CCDC148: variants seen among roughly 807,000 people sequenced by gnomAD.
CCDC148 encodes coiled-coil domain containing 148.
CCDC148 carries 89 observed loss-of-function variants against 85.7 expected under a neutral mutation model. The observed-to-expected ratio is 1.04, with a 90% CI of 0.87 to 1.24. The LOEUF (loss-of-function observed/expected upper bound fraction) is 1.24, where lower values mean the gene tolerates loss of function less well. Among genes scored for constraint, CCDC148 ranks in the 50% most tolerant of loss-of-function variants. The pLI is 0.00. For synonymous variants in CCDC148, 230 were observed against 213.9 expected (o/e 1.08, Z -0.66); for missense variants, 692 against 671.7 (o/e 1.03, Z -0.33).
At chr2:158,404,761 G>T (rs937490073) in intron 1 of CCDC148, among the ~76,000 whole-genome samples, 1 of 152,100 alleles carries the variant, frequency 6.6e-6, no homozygotes, top group Non-Finnish European at 1.5e-5. Context: ...TGCATAGTGC[G>T]CCAGAACATT....
chr2:158,258,866 T>C (rs138034824), intron 9 of CCDC148, among the ~76,000 whole-genome samples: 2,320 of 151,904 alleles, frequency 0.015, 18 homozygotes, highest in South Asian at 0.023. Flanking sequence ...CCCACCTCCC[T>C]GCCTAACATC....
At chr2:158,278,882 T>G (rs1690108199) in intron 9 of CCDC148, among the ~76,000 whole-genome samples, 1 of 152,158 alleles carries the variant, frequency 6.6e-6, no homozygotes. Context: ...CACTCCCCAG[T>G]AGGGGCAGAC....
intron 7 of CCDC148, among the ~76,000 whole-genome samples, chr2:158,337,978 T>C (rs1019920861): frequency 6.6e-6 from 1 of 152,186 alleles, no homozygotes; most frequent in South Asian, 2.1e-4. Flanking sequence ...CTTAAATAGT[T>C]ATCTTTTTAA....
intron 9 of CCDC148, among the ~76,000 whole-genome samples, chr2:158,306,476 C>T (rs1261914195): frequency 6.6e-6 from 1 of 152,082 alleles, no homozygotes; most frequent in African/African-American, 2.4e-5. Flanking sequence ...GGCACATATA[C>T]ACCATGGAAT....
intron 1 of CCDC148, among the ~76,000 whole-genome samples, chr2:158,420,649 A>G (rs2105322695): frequency 1.3e-5 from 2 of 152,346 alleles, no homozygotes; most frequent in Middle Eastern, 6.8e-3. Flanking sequence ...AATTGTAAAG[A>G]CCATCGATGC....
At chr2:158,338,687 T>C in intron 7 of CCDC148, 39 bp downstream of exon 7, 2 of 1,460,496 alleles carry the variant, frequency 1.4e-6, no homozygotes, top group Non-Finnish European at 1.9e-6. Context: ...AAAAAGTTAG[T>C]GTCAAAAGTC....
intron 2 of CCDC148, among the ~76,000 whole-genome samples, chr2:158,351,587 T>G (rs1683293585): frequency 6.6e-6 from 1 of 151,662 alleles, no homozygotes; most frequent in Admixed American, 6.6e-5. Context: ...GCCCACGGAG[T>G]CTTGCTGATT....
At chr2:158,200,730 G>A (rs189865736) in intron 11 of CCDC148, among the ~76,000 whole-genome samples, 5 of 152,208 alleles carry the variant, frequency 3.3e-5, no homozygotes, top group African/African-American at 7.2e-5. Flanking sequence ...TTAAGGTAGC[G>A]ATAGTCAGCT....
chr2:158,329,618 G>A (rs899007751), intron 7 of CCDC148, among the ~76,000 whole-genome samples: 34 of 152,064 alleles, frequency 2.2e-4, no homozygotes, highest in African/African-American at 4.3e-4. Flanking sequence ...CCATTTTCAC[G>A]ATATTGATTC....
intron 1 of CCDC148, among the ~76,000 whole-genome samples, chr2:158,425,737 C>T (rs1358944807): frequency 6.6e-6 from 1 of 152,078 alleles, no homozygotes; most frequent in Non-Finnish European, 1.5e-5. Flanking sequence ...ACCCTGTTTC[C>T]CAATATGTAG....
chr2:158,404,107 A>T (rs1685899378), intron 1 of CCDC148, among the ~76,000 whole-genome samples: 1 of 152,312 alleles, frequency 6.6e-6, no homozygotes, highest in African/African-American at 2.4e-5. Context: ...CAAAGACCTT[A>T]ACACAGTGCC....
At chr2:158,291,498 C>T (rs1000176424) in intron 9 of CCDC148, among the ~76,000 whole-genome samples, 9 of 152,202 alleles carry the variant, frequency 5.9e-5, no homozygotes, top group Non-Finnish European at 1.0e-4. Flanking sequence ...CTCATCTCTT[C>T]CCAATGTCTA....
intron 1 of CCDC148, among the ~76,000 whole-genome samples, chr2:158,412,120 T>C (rs977223039): frequency 1.3e-4 from 20 of 152,198 alleles, no homozygotes; most frequent in Admixed American, 6.5e-4. Flanking sequence ...TGGTGACAAC[T>C]ACTGGGGTCC....
At chr2:158,270,762 T>C (rs919484576) in intron 9 of CCDC148, among the ~76,000 whole-genome samples, 1 of 152,196 alleles carries the variant, frequency 6.6e-6, no homozygotes, top group Non-Finnish European at 1.5e-5. Flanking sequence ...GCATATTACA[T>C]ATACATGTTG....
intron 11 of CCDC148, among the ~76,000 whole-genome samples, chr2:158,181,186 G>A (rs1156291724): frequency 1.3e-5 from 2 of 152,122 alleles, no homozygotes; most frequent in African/African-American, 2.4e-5. Flanking sequence ...GGATATATAG[G>A]TTGCTTTGTC....
chr2:158,341,658 A>G (rs1178087180), intron 3 of CCDC148, among the ~76,000 whole-genome samples: 1 of 152,132 alleles, frequency 6.6e-6, no homozygotes, highest in Non-Finnish European at 1.5e-5. Flanking sequence ...ATAAAATCAT[A>G]ACTAACTCTA....
intron 1 of CCDC148, among the ~76,000 whole-genome samples, chr2:158,435,180 T>C (rs1380610386): frequency 6.6e-6 from 1 of 152,072 alleles, no homozygotes; most frequent in Non-Finnish European, 1.5e-5. Flanking sequence ...AATTGTCAGA[T>C]TCACCAAGGT....
intron 1 of CCDC148, among the ~76,000 whole-genome samples, chr2:158,419,453 T>G (rs1222286669): frequency 6.6e-6 from 1 of 152,178 alleles, no homozygotes; most frequent in African/African-American, 2.4e-5. Context: ...GAAGAAGTAG[T>G]AGGAAGGGTA....
At chr2:158,404,037 C>T (rs10194369) in intron 1 of CCDC148, among the ~76,000 whole-genome samples, 8,675 of 152,034 alleles carry the variant, frequency 0.057, 482 homozygotes, top group African/African-American at 0.14. Context: ...AATAGCATTC[C>T]GATACAGTTG....
Sources: allele counts gnomAD v4.1 joint callset (sites outside exome capture counted in the v4.1 genomes callset), GRCh38; gene constraint gnomAD v4.1.1; transcripts MANE v1.5; gene names NCBI Gene and HGNC (gene_info 2026-07-23, HGNC 2026-07-21).